PDE11A: variants seen among roughly 807,000 people sequenced by gnomAD.
PDE11A encodes the protein dual 3',5'-cyclic-AMP and -GMP phosphodiesterase 11A.
PDE11A carries 100 observed loss-of-function variants against 100.5 expected under a neutral mutation model. The ratio of observed to expected loss-of-function variants is 1.00; its 90% CI spans 0.85 to 1.18. The LOEUF is 1.18. Ranked by LOEUF, PDE11A falls within the 50% of genes most tolerant of loss-of-function variation. PDE11A has a pLI of 0.00. For synonymous variants in PDE11A, 381 were observed against 420.8 expected (o/e 0.91, Z 1.16); for missense variants, 1,141 against 1,152.6 (o/e 0.99, Z 0.15).
chr2:177,873,088 G>A (rs1195131559), intron 5 of PDE11A, among the ~76,000 whole-genome samples: 1 of 152,038 alleles, frequency 6.6e-6, no homozygotes, highest in Non-Finnish European at 1.5e-5. Flanking sequence ...GAGCAGTCTA[G>A]GTCTTGGGTC....
chr2:177,797,910 G>A (rs1235911712), intron 9 of PDE11A, among the ~76,000 whole-genome samples: 3 of 152,176 alleles, frequency 2.0e-5, no homozygotes, highest in African/African-American at 4.8e-5. Flanking sequence ...AACTAATCAT[G>A]TTCCTCTCCT....
chr2:177,806,266 G>A (rs2082869771), intron 9 of PDE11A, among the ~76,000 whole-genome samples: 1 of 151,946 alleles, frequency 6.6e-6, no homozygotes, highest in Non-Finnish European at 1.5e-5. Context: ...ATGAACTCTA[G>A]CTGCAATTCA....
intron 14 of PDE11A, among the ~76,000 whole-genome samples, chr2:177,700,450 C>T (rs1051976434): frequency 6.7e-6 from 1 of 149,902 alleles, no homozygotes; most frequent in Non-Finnish European, 1.5e-5. Flanking sequence ...GAAACAGATC[C>T]TTTCCTGGCA....
rs2080253783 is a variant in PDE11A at position 177,648,266 on chromosome 2, A to G, written c.2646+15600T>C. 2.0e-5 allele frequency among the ~76,000 whole-genome samples: 3 copies of G among 152,198 alleles called. No homozygotes were observed. The South Asian group carries it at 6.2e-4, about 32-fold the overall frequency. On this transcript the variant is annotated intron_variant, in intron 19 of 19. Transcript: ENST00000286063. The stretch of plus-strand genomic sequence containing the variant: ...GTCTGTCTACTGGAAGACCCGGTAG[A>G]AGGTATGTTATTGTGGCTCTTCTTT...
chr2:177,770,275 G>T (rs1030433493), intron 9 of PDE11A, among the ~76,000 whole-genome samples: 14 of 152,280 alleles, frequency 9.2e-5, no homozygotes, highest in Admixed American at 8.5e-4. Flanking sequence ...CCAAGGGAAG[G>T]GCATGGCCTG....
chr2:177,762,691 TG>T (rs1038248836), intron 10 of PDE11A, among the ~76,000 whole-genome samples: 10 of 151,916 alleles, frequency 6.6e-5, no homozygotes, highest in African/African-American at 2.4e-4. Flanking sequence ...AGGGAGAAGG[TG>T]GGAGAAAATC....
At chr2:177,962,705 A>T (rs2085650037) in intron 2 of PDE11A, among the ~76,000 whole-genome samples, 1 of 152,218 alleles carries the variant, frequency 6.6e-6, no homozygotes, top group Non-Finnish European at 1.5e-5. Flanking sequence ...AGTAGAGGCC[A>T]TTTGAACAGC....
At chr2:177,939,244 A>G (rs1220239545) in intron 2 of PDE11A, among the ~76,000 whole-genome samples, 3 of 152,096 alleles carry the variant, frequency 2.0e-5, no homozygotes, top group African/African-American at 7.2e-5. Flanking sequence ...AGCCAAGCAG[A>G]CATTATATAT....
intron 17 of PDE11A, among the ~76,000 whole-genome samples, chr2:177,672,292 T>C (rs914408930): frequency 6.6e-6 from 1 of 152,330 alleles, no homozygotes; most frequent in Non-Finnish European, 1.5e-5. Context: ...CAAAGCACAA[T>C]TGGTGAAATA....
At position 178,072,423 on chromosome 2, in the gene PDE11A, G is replaced by A; in HGVS notation, c.15C>T (p.Arg5=). The A allele has an allele frequency of 6.2e-7, 1 of 1,613,296 alleles. No individual in the cohort carries two copies. The highest frequency in any genetic ancestry group is 8.5e-7 in the Non-Finnish European group (1 of 1,180,030). ...AAGTTTCCACCTCCCCAAAGTCCAG[G>A]CGGGAGGCTGCCATGGTCCCAGACA... MAAS[R]LDFGEVETFL... is the part of the protein sequence containing the mutation. Residue 5 remains arginine, a synonymous_variant, in exon 1 of 20, where the codon CGC becomes CGT. Transcript: ENST00000286063.
chr2:177,831,726 A>G (rs2105605660), intron 6 of PDE11A, among the ~76,000 whole-genome samples: 1 of 152,342 alleles, frequency 6.6e-6, no homozygotes, highest in South Asian at 2.1e-4. Flanking sequence ...TATCCCACCA[A>G]CACTGATCAG....
intron 2 of PDE11A, among the ~76,000 whole-genome samples, chr2:177,952,217 C>A (rs1353965294): frequency 6.6e-6 from 1 of 152,228 alleles, no homozygotes; most frequent in Non-Finnish European, 1.5e-5. Flanking sequence ...CTAAGAGACT[C>A]CTACTTATAT....
chr2:177,972,532 CAGAG>C (rs376800173), intron 2 of PDE11A, among the ~76,000 whole-genome samples: 1 of 151,238 alleles, frequency 6.6e-6, no homozygotes, highest in Admixed American at 6.6e-5. Flanking sequence ...TCAAGGAAAG[CAGAG>C]AGAGAGAGAT....
intron 2 of PDE11A, among the ~76,000 whole-genome samples, chr2:177,905,925 A>T (rs1344177433): frequency 6.6e-6 from 1 of 152,098 alleles, no homozygotes; most frequent in Non-Finnish European, 1.5e-5. Flanking sequence ...CCTAACAAAG[A>T]CTTTCTCATC....
chr2:177,675,947 G>C (rs1471860954), intron 16 of PDE11A: 1 of 316,266 alleles, frequency 3.2e-6, no homozygotes, highest in African/African-American at 2.2e-5. Context: ...GGGAACAAAA[G>C]AAAACCCACA....
At chr2:177,667,509 C>T (rs2080607448) in intron 18 of PDE11A, among the ~76,000 whole-genome samples, 1 of 152,086 alleles carries the variant, frequency 6.6e-6, no homozygotes, top group African/African-American at 2.4e-5. Flanking sequence ...AAGACATTAT[C>T]TTGGCACCCA....
Position 178,072,322 on chromosome 2 carries a change from A to T in PDE11A, c.116T>A (p.Leu39Gln). Residue 39 changes from leucine to glutamine, a missense_variant, in exon 1 of 20, where the codon CTG becomes CAG. Leu to Gln is a moderately radical substitution (Grantham distance 113, BLOSUM62 -2). Transcript: ENST00000286063. ...CCCCTGACCCTGACTGTGCCTCTGCAGCCACTTTTCAACCATCTCCTGCTT... is the reference window on the plus strand; with the variant it reads ...CCCCTGACCCTGACTGTGCCTCTGCTGCCACTTTTCAACCATCTCCTGCTT... ...KGKQEMVEKW[L>Q]QRHSQGQGAL... is the part of the protein sequence containing the mutation. 1 of 1,614,186 alleles carries T rather than the reference A, an allele frequency of 6.2e-7. No homozygotes were observed. Among genetic ancestry groups the T allele is most frequent in the Non-Finnish European group, 8.5e-7 (1 of 1,180,026 alleles).
intron 18 of PDE11A, among the ~76,000 whole-genome samples, chr2:177,668,987 A>C (rs1358326): frequency 6.6e-6 from 1 of 152,112 alleles, no homozygotes; most frequent in Non-Finnish European, 1.5e-5. Flanking sequence ...CTGAGCAGAT[A>C]AGTCCAATAT....
At chr2:178,064,494 T>C (rs2087017104) in intron 1 of PDE11A, among the ~76,000 whole-genome samples, 1 of 152,156 alleles carries the variant, frequency 6.6e-6, no homozygotes. Context: ...GTTTCTCCTT[T>C]TGTAAAATGG....
Sources: allele counts gnomAD v4.1 joint callset (sites outside exome capture counted in the v4.1 genomes callset), GRCh38; gene constraint gnomAD v4.1.1; transcripts MANE v1.5; gene names NCBI Gene and HGNC (gene_info 2026-07-23, HGNC 2026-07-21).